PCSK6: variants seen among roughly 807,000 people sequenced by gnomAD.
The protein encoded by PCSK6 is proprotein convertase subtilisin/kexin type 6, also known as paired basic amino acid cleaving enzyme 4.
PCSK6 carries 85 observed loss-of-function variants against 123.3 expected under a neutral mutation model. The ratio of observed to expected loss-of-function variants is 0.69; its 90% CI spans 0.58 to 0.83. The LOEUF (loss-of-function observed/expected upper bound fraction) is 0.83. PCSK6 is among the 40% of genes least tolerant of loss of function. The probability of loss-of-function intolerance (pLI) is 0.00; values close to 1 mark genes in which losing one functional copy is unlikely to be tolerated. For missense variants in PCSK6, 1,191 were observed against 1,282.3 expected (o/e 0.93, Z 1.09); for synonymous variants, 508 against 516.0 (o/e 0.98, Z 0.21).
chr15:101,366,379 TGGCTGGGCGGAGG>T lies in PCSK6; in HGVS notation c.1722-60_1722-48del, dbSNP rs373512445. 2.1e-4 allele frequency: 337 copies of T among 1,575,044 alleles called. No homozygotes were observed. The African/African-American group carries it at 4.0e-3, about 19-fold the overall frequency. ...CAGAAATGAAGGTGCTGGTACTGAG[TGGCTGGGCGGAGG>T]GGCTGGCACAAGCAGGGCTCTCGGG... On this transcript the variant is annotated intron_variant, in intron 12 of 21. Coordinates refer to ENST00000611716, the MANE Select transcript of PCSK6 (RefSeq NM_002570.5).
chr15:101,486,926 G>C (rs550043122), intron 1 of PCSK6, among the ~76,000 whole-genome samples: 244 of 152,334 alleles, frequency 1.6e-3, no homozygotes, highest in African/African-American at 5.5e-3. Context: ...GGATGGAACT[G>C]TCAGAGGTGA....
intron 6 of PCSK6, among the ~76,000 whole-genome samples, chr15:101,402,867 T>C (rs1336771438): frequency 6.6e-6 from 1 of 152,124 alleles, no homozygotes; most frequent in Admixed American, 6.5e-5. Context: ...GTGTGGCGAT[T>C]CCTCAGGGAT....
chr15:101,398,259 C>G lies in PCSK6; in HGVS notation c.996+145G>C. On this transcript the variant is annotated intron_variant, in intron 7 of 21. Transcript: ENST00000611716. The surrounding 1 kb of genome is among the most constrained non-coding windows in gnomAD (Gnocchi z 4.6). Reference sequence around the variant, plus strand: ...CACTTCTCAGACTCCCCGAGTGACTCCTCCACACTGGCCCTGGCACCTGTC... The same window carrying G: ...CACTTCTCAGACTCCCCGAGTGACTGCTCCACACTGGCCCTGGCACCTGTC... The G allele has an allele frequency of 1.0e-6, 1 of 1,002,368 alleles. No homozygotes were observed. The allele number at this position is 1,002,368 out of a possible 1,614,324, so 62.1% of individuals were successfully genotyped here.
intron 1 of PCSK6, among the ~76,000 whole-genome samples, chr15:101,451,644 G>A (rs59571321): frequency 1.4e-4 from 21 of 152,322 alleles, no homozygotes; most frequent in East Asian, 7.7e-4. Flanking sequence ...CAGCTGCAGC[G>A]TGCCTGCTTC....
intron 1 of PCSK6, among the ~76,000 whole-genome samples, chr15:101,446,334 CTTTTT>C (rs948073875): frequency 6.6e-6 from 1 of 152,232 alleles, no homozygotes; most frequent in Non-Finnish European, 1.5e-5. Flanking sequence ...AATTTCCTTC[CTTTTT>C]AAGGCTGACT....
At chr15:101,459,018 C>T (rs755138858) in intron 1 of PCSK6, among the ~76,000 whole-genome samples, 6 of 152,278 alleles carry the variant, frequency 3.9e-5, no homozygotes, top group African/African-American at 7.2e-5. Context: ...AGAGAAGTGG[C>T]GTGTGTGTAG....
chr15:101,439,353 C>A (rs2056694636), intron 2 of PCSK6, among the ~76,000 whole-genome samples: 1 of 152,220 alleles, frequency 6.6e-6, no homozygotes, highest in South Asian at 2.1e-4. Flanking sequence ...AAAATGCTGT[C>A]TTTTAAGGTA....
intron 13 of PCSK6, chr15:101,346,677 A>G (rs952154444): frequency 1.2e-5 from 12 of 1,030,890 alleles, no homozygotes; most frequent in Middle Eastern, 3.5e-4. Flanking sequence ...AACTGAGGGC[A>G]AATCTGGGAA....
chr15:101,393,477 G>T, intron 7 of PCSK6, 53 bp from the exon 8 acceptor site: 1 of 1,457,114 alleles, frequency 6.9e-7, no homozygotes, highest in Non-Finnish European at 9.4e-7. Flanking sequence ...CTCGTAGGGT[G>T]GGTCTCCCCC....
chr15:101,396,290 T>G (rs2042410450), intron 7 of PCSK6, among the ~76,000 whole-genome samples: 1 of 151,956 alleles, frequency 6.6e-6, no homozygotes, highest in African/African-American at 2.4e-5. Flanking sequence ...AATGCAAAGA[T>G]CCCTCTCTGC....
chr15:101,366,143 A>C, intron 13 of PCSK6, 53 bp downstream of exon 13: 1 of 1,560,804 alleles, frequency 6.4e-7, no homozygotes, highest in Non-Finnish European at 8.7e-7. Context: ...GCCCAGAGGT[A>C]AAAAGAGGCT....
chr15:101,359,289 A>G (rs1391995228), intron 13 of PCSK6, among the ~76,000 whole-genome samples: 4 of 152,218 alleles, frequency 2.6e-5, no homozygotes, highest in African/African-American at 9.6e-5. Context: ...AGGTACCACA[A>G]GGTGTTTATT....
rs189644811 is a variant in PCSK6 at position 101,425,038 on chromosome 15, T to C, written c.823+2854A>G. Among the ~76,000 whole-genome samples, 445 of 152,056 alleles carry C rather than the reference T, an allele frequency of 2.9e-3. 3 individuals are homozygous for C. The highest frequency in any genetic ancestry group is 0.01 in the African/African-American group (423 of 41,466). On this transcript the variant is annotated intron_variant, in intron 6 of 21. Transcript: ENST00000611716. Reference sequence around the variant, plus strand: ...CACCTATTGAAGTTAAAGGGGCAGGTAGGAGCCCCAGGGGTGGCAGAGCAG... The same window carrying C: ...CACCTATTGAAGTTAAAGGGGCAGGCAGGAGCCCCAGGGGTGGCAGAGCAG...
At chr15:101,370,241 C>T in intron 12 of PCSK6, 94 bp downstream of exon 12, 1 of 1,104,840 alleles carries the variant, frequency 9.1e-7, no homozygotes, top group East Asian at 3.0e-5. Context: ...GAGGGCCTTG[C>T]AGAGACACTG....
intron 17 of PCSK6, among the ~76,000 whole-genome samples, chr15:101,323,626 G>A (rs368786793): frequency 2.0e-5 from 3 of 152,114 alleles, no homozygotes; most frequent in East Asian, 1.9e-4. Flanking sequence ...CCAGCTACTC[G>A]GGAGGCTGTG....
chr15:101,457,346 T>C (rs2057212902), intron 1 of PCSK6, among the ~76,000 whole-genome samples: 1 of 152,304 alleles, frequency 6.6e-6, no homozygotes, highest in South Asian at 2.1e-4. Context: ...TTTCCATGCA[T>C]TGGGATTAGC....
chr15:101,328,588 G>A (rs538206020), intron 15 of PCSK6, among the ~76,000 whole-genome samples: 1 of 152,158 alleles, frequency 6.6e-6, no homozygotes, highest in African/African-American at 2.4e-5. Context: ...CCCAGCTGCT[G>A]GTCCGGGTGT....
At chr15:101,377,102 T>C (rs921754765) in intron 11 of PCSK6, among the ~76,000 whole-genome samples, 1 of 152,262 alleles carries the variant, frequency 6.6e-6, no homozygotes, top group Non-Finnish European at 1.5e-5. Context: ...TGGGTTGACC[T>C]GTGTCTGATC....
At chr15:101,326,699 C>T (rs997784147) in intron 15 of PCSK6, among the ~76,000 whole-genome samples, 3 of 152,198 alleles carry the variant, frequency 2.0e-5, no homozygotes, top group African/African-American at 7.2e-5. Context: ...TCTGAGCACT[C>T]TAGACAGGGA....
Sources: gnomAD v4.1 joint callset for allele counts (sites outside exome capture counted in the v4.1 genomes callset) on GRCh38, gnomAD v4.1.1 for gene constraint, Gnocchi (gnomAD v3.1) non-coding constraint, MANE v1.5 for transcripts, NCBI Gene and HGNC (gene_info 2026-07-23, HGNC 2026-07-21) for gene names.